The following DOCK2 variants were observed in gnomAD, a reference collection of about 807,000 sequenced individuals.
The protein encoded by DOCK2 is dedicator of cytokinesis 2.
In DOCK2, 87 loss-of-function variants were observed where a neutral mutation model predicts 248.9. That is an observed-to-expected ratio of 0.35 (90% confidence interval 0.29 to 0.42). DOCK2 has a LOEUF of 0.42. Among genes scored for constraint, DOCK2 ranks in the 10% least tolerant of loss-of-function variants. The probability of loss-of-function intolerance (pLI) is 1.00; values close to 1 mark genes in which losing one functional copy is unlikely to be tolerated. For synonymous variants in DOCK2, 805 were observed against 821.6 expected (o/e 0.98, Z 0.35); for missense variants, 1,747 against 2,300.2 (o/e 0.76, Z 4.92).
intron 41 of DOCK2, among the ~76,000 whole-genome samples, chr5:170,054,313 A>G (rs984812751): frequency 5.3e-5 from 8 of 152,312 alleles, no homozygotes; most frequent in African/African-American, 1.7e-4. Flanking sequence ...GACCTTGAAT[A>G]CCTAAATAAA....
chr5:170,067,509 G>T lies in DOCK2; in HGVS notation c.4468-1G>T. Reference sequence around the variant, plus strand: ...CTTCTTGGTGATCTCATTTTCAACAGACCACAATTAGTCCTCTGGAGAATG... The same window carrying T: ...CTTCTTGGTGATCTCATTTTCAACATACCACAATTAGTCCTCTGGAGAATG... On this transcript the variant is annotated splice_acceptor_variant, in intron 44 of 51. Coordinates refer to ENST00000520908, the MANE Select transcript of DOCK2 (RefSeq NM_004946.3). LOFTEE classifies it high-confidence loss of function. The T allele has an allele frequency of 6.2e-7, 1 of 1,612,872 alleles. No homozygotes were observed. The highest frequency in any genetic ancestry group is 1.1e-5 in the South Asian group (1 of 90,966).
At chr5:169,780,043 C>T (rs954645428) in intron 25 of DOCK2, among the ~76,000 whole-genome samples, 6 of 152,188 alleles carry the variant, frequency 3.9e-5, no homozygotes, top group Non-Finnish European at 7.3e-5. Flanking sequence ...TTCTCAGACC[C>T]AGCGTCTTCT....
intron 25 of DOCK2, among the ~76,000 whole-genome samples, chr5:169,762,611 A>G (rs1249413954): frequency 6.6e-6 from 1 of 152,206 alleles, no homozygotes; most frequent in African/African-American, 2.4e-5. Flanking sequence ...AAAATGGATC[A>G]TGCCTTTTGC....
intron 27 of DOCK2, among the ~76,000 whole-genome samples, chr5:169,891,225 A>T (rs969770815): frequency 6.6e-6 from 1 of 152,076 alleles, no homozygotes; most frequent in African/African-American, 2.4e-5. Context: ...CAAGCCTGTT[A>T]TCTCCAGGAG....
At chr5:169,663,446 C>G (rs932726435) in intron 2 of DOCK2, among the ~76,000 whole-genome samples, 1 of 152,240 alleles carries the variant, frequency 6.6e-6, no homozygotes, top group African/African-American at 2.4e-5. Context: ...TGTGGGGGCT[C>G]CAACCCCACA....
chr5:169,856,055 G>A (rs1033823679), intron 27 of DOCK2, among the ~76,000 whole-genome samples: 1 of 152,152 alleles, frequency 6.6e-6, no homozygotes. Context: ...CAGATCTCAT[G>A]AGATCTCACT....
chr5:169,867,819 C>A (rs1327718206), intron 27 of DOCK2, among the ~76,000 whole-genome samples: 1 of 152,152 alleles, frequency 6.6e-6, no homozygotes, highest in Admixed American at 6.5e-5. Context: ...TCTGCACCAC[C>A]TATACTTCAT....
intron 27 of DOCK2, among the ~76,000 whole-genome samples, chr5:169,881,048 A>G (rs1772612545): frequency 6.6e-6 from 1 of 152,136 alleles, no homozygotes; most frequent in Non-Finnish European, 1.5e-5. Context: ...TGCTCTAGGA[A>G]AATGCTCTGT....
At chr5:169,670,450 T>G (rs1758984070) in intron 3 of DOCK2, 92 bp from the exon 4 acceptor site, 2 of 1,440,706 alleles carry the variant, frequency 1.4e-6, no homozygotes, top group South Asian at 2.8e-5. Context: ...CAGTAGCTTT[T>G]GGAAAAAAAT....
At chr5:170,028,760 C>G (rs1239160242) in intron 34 of DOCK2, among the ~76,000 whole-genome samples, 1 of 151,756 alleles carries the variant, frequency 6.6e-6, no homozygotes, top group Non-Finnish European at 1.5e-5. Context: ...CACACACACA[C>G]ACACACACGC....
At chr5:169,706,967 G>T (rs139336439) in intron 14 of DOCK2, among the ~76,000 whole-genome samples, 4 of 152,344 alleles carry the variant, frequency 2.6e-5, no homozygotes, top group Middle Eastern at 3.4e-3. Context: ...ACCCACGGGA[G>T]AATCTGATTG....
chr5:169,819,065 G>C (rs1179864038), intron 26 of DOCK2, among the ~76,000 whole-genome samples: 1 of 152,140 alleles, frequency 6.6e-6, no homozygotes, highest in East Asian at 1.9e-4. Flanking sequence ...TTATATCTGG[G>C]GACAAGGAAT....
chr5:169,786,864 A>G (rs958536955), intron 25 of DOCK2, among the ~76,000 whole-genome samples: 9 of 152,236 alleles, frequency 5.9e-5, no homozygotes, highest in African/African-American at 1.9e-4. Context: ...AAATGCACAC[A>G]TCTTAAGTAT....
chr5:169,716,422 GTGT>G, intron 20 of DOCK2, 120 bp downstream of exon 20: 8 of 943,660 alleles, frequency 8.5e-6, no homozygotes, highest in Non-Finnish European at 1.3e-5. Flanking sequence ...TTCTTTGGAG[GTGT>G]TGTAATGTTT....
At chr5:169,658,155 G>A (rs1004535372) in intron 2 of DOCK2, among the ~76,000 whole-genome samples, 1 of 152,014 alleles carries the variant, frequency 6.6e-6, no homozygotes, top group Non-Finnish European at 1.5e-5. Flanking sequence ...AAGTTCAAAT[G>A]TCCCTCAATT....
rs1259906367 is a variant in DOCK2 at position 169,691,759 on chromosome 5, TTGAGCCTCTC to T, written c.843+2444_843+2453del. On this transcript the variant is annotated intron_variant, in intron 9 of 51. Coordinates refer to ENST00000520908, the MANE Select transcript of DOCK2 (RefSeq NM_004946.3). ...ATGTTGGGGGAAGGCTTCCAGATCTTTGAGCCTCTCTGAGCCTCTCTGAGCCTGGCATGTG... is the reference window on the plus strand; with the variant it reads ...ATGTTGGGGGAAGGCTTCCAGATCTTTGAGCCTCTCTGAGCCTGGCATGTG... Among the ~76,000 whole-genome samples the T allele has an allele frequency of 3.3e-5, 5 of 152,336 alleles. No individual in the cohort carries two copies. The South Asian group carries it at 8.3e-4, about 25-fold the overall frequency.
intron 27 of DOCK2, among the ~76,000 whole-genome samples, chr5:169,868,461 C>T (rs1771733989): frequency 6.6e-6 from 1 of 152,176 alleles, no homozygotes; most frequent in Non-Finnish European, 1.5e-5. Flanking sequence ...GTCCTAATAC[C>T]TGTTTAATAA....
chr5:169,925,199 GT>G (rs894735446), intron 27 of DOCK2, among the ~76,000 whole-genome samples: 1 of 152,318 alleles, frequency 6.6e-6, no homozygotes, highest in Admixed American at 6.5e-5. Flanking sequence ...CTGAGGACTA[GT>G]TCAGTCAGGC....
At chr5:170,035,132 C>T (rs1756279022) in intron 35 of DOCK2, among the ~76,000 whole-genome samples, 1 of 152,224 alleles carries the variant, frequency 6.6e-6, no homozygotes, top group Non-Finnish European at 1.5e-5. Context: ...TTCTTAACCC[C>T]TATATTCCAT....
Sources: allele counts gnomAD v4.1 joint callset (sites outside exome capture counted in the v4.1 genomes callset), GRCh38; gene constraint gnomAD v4.1.1; transcripts MANE v1.5; gene names NCBI Gene and HGNC (gene_info 2026-07-23, HGNC 2026-07-21).